TRNT1: variants seen among roughly 807,000 people sequenced by gnomAD.
TRNT1 encodes tRNA nucleotidyl transferase 1, also known as CCA tRNA nucleotidyltransferase 1, mitochondrial.
TRNT1 carries 44 observed loss-of-function variants against 45.6 expected under a neutral mutation model. The observed-to-expected ratio is 0.97, with a 90% CI of 0.76 to 1.24. The LOEUF is 1.24. Among genes scored for constraint, TRNT1 ranks in the 50% most tolerant of loss-of-function variants. The pLI is 0.00. For missense variants in TRNT1, 633 were observed against 504.4 expected (o/e 1.25, Z -2.44); for synonymous variants, 201 against 171.4 (o/e 1.17, Z -1.35).
chr3:3,129,775 A>T, intron 2 of TRNT1: 1 of 1,195,300 alleles, frequency 8.4e-7, no homozygotes, highest in South Asian at 1.3e-5. Context: ...TTGACCTGTT[A>T]CGTGAAAAAG....
rs756402348 is a variant in TRNT1, at chr3:3,129,016, G to A, written c.-25G>A. 1.9e-6 allele frequency: 3 copies of A among 1,577,306 alleles called. No homozygotes were observed. The highest frequency in any genetic ancestry group is 2.3e-5 in the East Asian group (1 of 44,436). On this transcript the variant is annotated splice_region_variant and 5_prime_UTR_variant, in exon 2 of 8. It adds an upstream start codon to the 5' untranslated region. Transcript: ENST00000251607. Reference sequence around the variant, plus strand: ...ATGCCTGTGTATTTGCCTTGTAGATGTGTAGTTGGTGACTGCCTCTCCAGA... The same window carrying A: ...ATGCCTGTGTATTTGCCTTGTAGATATGTAGTTGGTGACTGCCTCTCCAGA...
chr3:3,139,827 A>G (rs1404870323), intron 3 of TRNT1, among the ~76,000 whole-genome samples: 1 of 152,108 alleles, frequency 6.6e-6, no homozygotes, highest in Non-Finnish European at 1.5e-5. Context: ...CCCGGGGTCT[A>G]GCGATCCTCC....
rs1283386278 is a variant in TRNT1 at position 3,137,290 on chromosome 3, G to A, written c.179G>A (p.Arg60Lys). 6.3e-7 allele frequency: 1 copy of A among 1,597,202 alleles called. No individual in the cohort carries two copies. Among genetic ancestry groups the A allele is most frequent in the Non-Finnish European group, 8.5e-7 (1 of 1,175,090 alleles). Residue 60 changes from arginine to lysine, a missense_variant, in exon 3 of 8, where the codon AGA becomes AAA. Arg to Lys is a conservative substitution (Grantham distance 26). Transcript: ENST00000251607. ...ELFVKENHEL[R>K]IAGGAVRDLL... ...TTTGTCAAAGAGAATCACGAATTAA[G>A]AATAGCAGGAGGAGCAGTGAGGGAT...
chr3:3,147,842 G>C (rs1296288915), intron 7 of TRNT1, 64 bp from the exon 8 acceptor site: 17 of 1,543,136 alleles, frequency 1.1e-5, no homozygotes, highest in Non-Finnish European at 1.4e-5. Flanking sequence ...TTAAATTTTA[G>C]GATAAGATTG....
At chr3:3,132,872 A>G (rs1705102468) in intron 2 of TRNT1, among the ~76,000 whole-genome samples, 1 of 152,070 alleles carries the variant, frequency 6.6e-6, no homozygotes, top group South Asian at 2.1e-4. Flanking sequence ...GGACTGGCAA[A>G]TGAGAACATG....
chr3:3,149,653 T>TAAAG (rs1553557159), downstream of TRNT1: 1 of 148,772 alleles, frequency 6.7e-6, no homozygotes, highest in Non-Finnish European at 1.5e-5. Flanking sequence ...CCAAAATTAT[T>TAAAG]AAAGTAGTAA....
intron 1 of TRNT1, among the ~76,000 whole-genome samples, chr3:3,128,346 C>T (rs576922359): frequency 6.6e-6 from 1 of 152,248 alleles, no homozygotes; most frequent in African/African-American, 2.4e-5. Context: ...CCTGTAATCC[C>T]AGCACTTTGG....
chr3:3,130,558 G>A (rs1704954642), intron 2 of TRNT1: 1 of 152,236 alleles, frequency 6.6e-6, no homozygotes, highest in African/African-American at 2.4e-5. Flanking sequence ...TTTTTTAATT[G>A]GAGAGAGTGA....
In TRNT1 at chr3:3,147,691, C is replaced by T. The variant is rs1213148759; in HGVS notation, c.1044C>T (p.Asp348=). ...CAGACCCATTGAAACCCTATCAAGA[C>T]TTCATTATAGATGTAAGTATATACT... ...DSSDPLKPYQ[D]FIIDSREPDA... is the part of the protein sequence containing the mutation. Residue 348 remains aspartate (D), a synonymous_variant, in exon 7 of 8, where the codon GAC becomes GAT. Coordinates refer to ENST00000251607, the MANE Select transcript of TRNT1 (RefSeq NM_182916.3). 6.2e-7 allele frequency: 1 copy of T among 1,611,448 alleles called. No homozygotes were observed. The highest frequency in any genetic ancestry group is 1.1e-5 in the South Asian group (1 of 90,720).
chr3:3,138,294 C>A (rs942936846), intron 3 of TRNT1, among the ~76,000 whole-genome samples: 2 of 152,166 alleles, frequency 1.3e-5, no homozygotes, highest in African/African-American at 4.8e-5. Flanking sequence ...GAATTCTAGG[C>A]AGGGAATAAT....
intron 2 of TRNT1, among the ~76,000 whole-genome samples, chr3:3,135,915 T>C (rs1705299803): frequency 6.6e-6 from 1 of 152,320 alleles, no homozygotes; most frequent in Non-Finnish European, 1.5e-5. Flanking sequence ...AAGAGGGCTT[T>C]AGAAATGACT....
rs1368782429 is a variant in TRNT1, at chr3:3,148,061, TG to T, written c.1216del (p.Ala406LeufsTer23). On this transcript the variant is annotated frameshift_variant, in exon 8 of 8. Coordinates refer to ENST00000251607, the MANE Select transcript of TRNT1 (RefSeq NM_182916.3). LOFTEE classifies it high-confidence loss of function. ...TGGGCATTTCTTCAGGAAAAGAAATTGGGGCTCTATTACAACAGTTGCGAGA... is the reference window on the plus strand; with the variant it reads ...TGGGCATTTCTTCAGGAAAAGAAATTGGGCTCTATTACAACAGTTGCGAGA... ...KVGISSGKEI[G>X]ALLQQLREQW... 6.2e-7 allele frequency: 1 copy of T among 1,613,862 alleles called. No homozygotes were observed. Among genetic ancestry groups the T allele is most frequent in the Non-Finnish European group, 8.5e-7 (1 of 1,179,814 alleles).
chr3:3,145,881 A>G (rs1056374217), intron 5 of TRNT1, among the ~76,000 whole-genome samples: 1 of 151,910 alleles, frequency 6.6e-6, no homozygotes, highest in South Asian at 2.1e-4. Context: ...AGGGCATGAG[A>G]GGGAAACACA....
chr3:3,137,182 C>A (rs1705378056), intron 2 of TRNT1, 78 bp from the exon 3 acceptor site: 4 of 1,195,082 alleles, frequency 3.3e-6, no homozygotes, highest in Non-Finnish European at 4.6e-6. Context: ...GATGGAAAAG[C>A]CTTGTACTTT....
chr3:3,140,261 G>C (rs1404723056), intron 3 of TRNT1, among the ~76,000 whole-genome samples: 1 of 151,404 alleles, frequency 6.6e-6, no homozygotes, highest in Non-Finnish European at 1.5e-5. Flanking sequence ...TGACATGTTT[G>C]TGTGTTAAAC....
rs769261859 is a variant in TRNT1 at position 3,147,638 on chromosome 3, A to G, written c.991A>G (p.Lys331Glu). The G allele has an allele frequency of 8.1e-6, 13 of 1,613,730 alleles. No individual in the cohort carries two copies. The highest frequency in any genetic ancestry group is 1.0e-5 in the Non-Finnish European group (12 of 1,179,812). ...TGGCTTATTTATAGTTAAAAATAGG[A>G]AAGATTTAATTAAAGCAACAGATAG... is the stretch of plus-strand genomic sequence containing the variant. ...NLGLFIVKNR[K>E]DLIKATDSSD... Residue 331 changes from lysine to glutamate, a missense_variant, in exon 7 of 8, where the codon AAA (lysine) becomes GAA (glutamate). Physicochemically the swap from Lys to Glu is moderately conservative, Grantham distance 56. Coordinates refer to ENST00000251607, the MANE Select transcript of TRNT1 (RefSeq NM_182916.3).
intron 2 of TRNT1, 117 bp from the exon 3 acceptor site, chr3:3,137,143 A>G (rs2126017071): frequency 1.3e-6 from 1 of 752,140 alleles, no homozygotes; most frequent in East Asian, 3.0e-5. Context: ...GAAAAGCCTC[A>G]GTTAAATGAA....
At chr3:3,133,753 T>C (rs1467647961) in intron 2 of TRNT1, among the ~76,000 whole-genome samples, 1 of 151,968 alleles carries the variant, frequency 6.6e-6, no homozygotes, top group African/African-American at 2.4e-5. Context: ...TATAGCACGA[T>C]AGGGACAACT....
Position 3,140,492 on chromosome 3 carries a change from C to G in TRNT1, c.343-18C>G. 6.2e-7 allele frequency: 1 copy of G among 1,608,688 alleles called. No individual in the cohort carries two copies. Among genetic ancestry groups the G allele is most frequent in the East Asian group, 2.2e-5 (1 of 44,798 alleles). ...CCTAATTTAAATGACAACAAAAACC[C>G]CATGTATTTAATTGCAGCTTCATGA... is the stretch of plus-strand genomic sequence containing the variant. On this transcript the variant is annotated intron_variant, in intron 3 of 7. Coordinates refer to ENST00000251607, the MANE Select transcript of TRNT1 (RefSeq NM_182916.3).
Sources: allele counts gnomAD v4.1 joint callset (sites outside exome capture counted in the v4.1 genomes callset), GRCh38; gene constraint gnomAD v4.1.1; transcripts MANE v1.5; gene names NCBI Gene and HGNC (gene_info 2026-07-23, HGNC 2026-07-21).